Variants in NRXN2 observed in about 807,000 individuals in gnomAD.
The protein encoded by NRXN2 is neurexin-2-beta.
NRXN2 carries 29 observed loss-of-function variants against 128.8 expected under a neutral mutation model. The ratio of observed to expected loss-of-function variants is 0.23; its 90% CI spans 0.17 to 0.31. The LOEUF is 0.31. NRXN2 is among the 10% of genes least tolerant of loss of function. NRXN2 has a pLI of 1.00. For synonymous variants in NRXN2, 1,098 were observed against 1,075.2 expected, an observed-to-expected ratio of 1.02 and a Z score of -0.41; for missense variants, 1,881 against 2,452.6, an observed-to-expected ratio of 0.77 and a Z score of 4.92.
intron 12 of NRXN2, 96 bp from the exon 13 acceptor site, chr11:64,652,250 G>T: frequency 6.8e-7 from 1 of 1,466,058 alleles, no homozygotes; most frequent in Non-Finnish European, 9.2e-7. Flanking sequence ...CCCCATCCCC[G>T]CACATGCCAC....
chr11:64,685,479 C>T (rs552848556), intron 6 of NRXN2, among the ~76,000 whole-genome samples, 167 bp downstream of exon 6: 127 of 152,290 alleles, frequency 8.3e-4, no homozygotes, highest in Non-Finnish European at 1.4e-3. Flanking sequence ...CCAGCCACTG[C>T]AGCCTTATGT....
chr11:64,651,536 G>A lies in NRXN2; in HGVS notation c.2637C>T (p.Ile879=), dbSNP rs767723124. The A allele has an allele frequency of 2.3e-5, 37 of 1,614,010 alleles. No individual in the cohort carries two copies. The highest frequency in any genetic ancestry group is 4.5e-5 in the East Asian group (2 of 44,888). The part of the protein sequence containing the change: ...RFISVVPSNF[I]GHLSGLVFNG... Reference sequence around the variant, plus strand: ...TGAACACGAGCCCACTCAGATGCCCGATGAAGTTGGAGGGCACCACGGAGA... The same window carrying A: ...TGAACACGAGCCCACTCAGATGCCCAATGAAGTTGGAGGGCACCACGGAGA... Residue 879 remains isoleucine (I), a synonymous_variant, in exon 14 of 23, where the codon ATC becomes ATT. Coordinates refer to ENST00000265459, the MANE Select transcript of NRXN2 (RefSeq NM_015080.4). The surrounding 1 kb of genome is among the most constrained non-coding windows in gnomAD (Gnocchi z 5.9).
At position 64,714,080 on chromosome 11, in the gene NRXN2, C is replaced by A. The variant is rs2057202102; in HGVS notation, c.-244-137G>T. On this transcript the variant is annotated intron_variant, in intron 1 of 22. Transcript: ENST00000265459. This position sits in a 1 kb window ranked among gnomAD's most constrained non-coding sequence, Gnocchi z 4.5. ...CCTGCAGAACTTAGAGAGGCCCTGA[C>A]CTGCAGAGGGTCCCGAGGCAAGAGA... 1 of 152,594 alleles carries A rather than the reference C, an allele frequency of 6.6e-6. No homozygotes were observed. Among genetic ancestry groups the A allele is most frequent in the Admixed American group, 6.5e-5 (1 of 15,292 alleles). The allele number at this position is 152,594 out of a possible 1,614,324, so 9.5% of individuals were successfully genotyped here. A position where few individuals can be genotyped will look rare whatever the true frequency, so the allele number is the denominator to read the frequency against.
Position 64,652,423 on chromosome 11 carries a change from C to T in NRXN2, c.2417-269G>A, listed in dbSNP as rs909110902. On this transcript the variant is annotated intron_variant, in intron 12 of 22. Transcript: ENST00000265459. ...ACTCTCAGGACTGCCCTTTGTGTGA[C>T]TTTAGGAGGTGCCATGCACATAGAA... is the stretch of plus-strand genomic sequence containing the variant. Among the ~76,000 whole-genome samples, 3 of 152,242 alleles carry T rather than the reference C, an allele frequency of 2.0e-5. No homozygotes were observed. The East Asian group carries it at 5.8e-4, about 29-fold the overall frequency.
chr11:64,690,515 C>T (rs1170311024), intron 4 of NRXN2, 39 bp from the exon 5 acceptor site: 1 of 1,551,080 alleles, frequency 6.4e-7, no homozygotes, highest in South Asian at 1.1e-5. Flanking sequence ...ACAGGGGGTA[C>T]CGAGCCAGTC....
In NRXN2 at chr11:64,648,753, C is replaced by T. The variant is rs1358942628; in HGVS notation, c.3264G>A (p.Gln1088=). The change falls in exon 16 of 23, where the codon CAG becomes CAA. Residue 1088 remains glutamine, a synonymous_variant. Transcript: ENST00000265459. The surrounding 1 kb of genome is among the most constrained non-coding windows in gnomAD (Gnocchi z 4.1). ...ACTCACCATCACAGCCCCTCTCCAC[C>T]TGCCCAATGCGGTGCAGGGCGTCGG... The part of the protein sequence containing the change: ...LIADALHRIG[Q]VERGCDGPST... The T allele has an allele frequency of 6.2e-7, 1 of 1,614,044 alleles. No homozygotes were observed. The highest frequency in any genetic ancestry group is 8.5e-7 in the Non-Finnish European group (1 of 1,180,014).
At chr11:64,658,917 C>T (rs181535101) in intron 11 of NRXN2, among the ~76,000 whole-genome samples, 321 of 152,214 alleles carry the variant, frequency 2.1e-3, no homozygotes, top group African/African-American at 7.0e-3. Flanking sequence ...CCCAGCTACT[C>T]GGGAGGCTGA....
rs1361085209 is a variant in NRXN2 at position 64,706,592 on chromosome 11, T to G, written c.730+6378A>C. Among the ~76,000 whole-genome samples, 12 of 152,136 alleles carry G rather than the reference T, an allele frequency of 7.9e-5. No individual in the cohort carries two copies. The East Asian group carries it at 2.3e-3, about 29-fold the overall frequency. ...TTAGCATTCAATGTGAGTTAAATAA[T>G]TTAAGCCAGATCATCAAGACCTGGC... On this transcript the variant is annotated intron_variant, in intron 2 of 22. Coordinates refer to ENST00000265459, the MANE Select transcript of NRXN2 (RefSeq NM_015080.4).
At chr11:64,650,272 G>A (rs1461881748) in intron 15 of NRXN2, among the ~76,000 whole-genome samples, 176 bp downstream of exon 15, 1 of 152,078 alleles carries the variant, frequency 6.6e-6, no homozygotes, top group Non-Finnish European at 1.5e-5. Context: ...TCACAAGAGA[G>A]CCAAGCAGAA....
In NRXN2 at chr11:64,642,728, G is replaced by A. The variant is rs1221903810; in HGVS notation, c.3403+5491C>T. The A allele has an allele frequency of 5.5e-6, 8 of 1,442,446 alleles. No homozygotes were observed. The South Asian group carries it at 7.0e-5, about 13-fold the overall frequency. The allele number at this position is 1,442,446 out of a possible 1,614,324, so 89.4% of individuals were successfully genotyped here. On this transcript the variant is annotated intron_variant, in intron 17 of 22. Transcript: ENST00000265459. ...AGCAGAGGTGGCGGCGGCGGCGGTG[G>A]AGGCGGCGGCAGGGGCCCAGCCAGG...
chr11:64,634,426 G>A (rs1367734072), intron 18 of NRXN2, among the ~76,000 whole-genome samples: 1 of 152,154 alleles, frequency 6.6e-6, no homozygotes, highest in African/African-American at 2.4e-5. Flanking sequence ...AGAGATGGGG[G>A]AAAGGGCAGG....
intron 9 of NRXN2, among the ~76,000 whole-genome samples, chr11:64,663,927 A>G (rs2049406642): frequency 6.6e-6 from 1 of 152,250 alleles, no homozygotes. Context: ...TGCAAAATGA[A>G]ATAAAGCCAG....
intron 1 of NRXN2, among the ~76,000 whole-genome samples, chr11:64,717,749 A>G (rs1305062134): frequency 2.6e-5 from 4 of 152,234 alleles, no homozygotes; most frequent in South Asian, 2.1e-4. Context: ...TTCGGCTTCT[A>G]GGAGGTCATT....
In NRXN2 at chr11:64,607,927, G is replaced by A. The variant is rs1224231310; in HGVS notation, c.4408C>T (p.Arg1470Cys). The A allele has an allele frequency of 1.3e-6, 2 of 1,551,650 alleles. No individual in the cohort carries two copies. The highest frequency in any genetic ancestry group is 8.7e-7 in the Non-Finnish European group (1 of 1,149,488). ...QDTLPPPAAR[R>C]PPSGGPCQAE... ...TGGCACGGGCCCCCAGAGGGCGGGCGGCGCGCGGCGGGCGGGGGCAGCGTG... is the reference window on the plus strand; with the variant it reads ...TGGCACGGGCCCCCAGAGGGCGGGCAGCGCGCGGCGGGCGGGGGCAGCGTG... Residue 1470 changes from arginine to cysteine, a missense_variant, in exon 23 of 23, where the codon CGC (arginine) becomes TGC (cysteine). Arg to Cys is a radical substitution (Grantham distance 180, BLOSUM62 -3). This residue lies in a region of NRXN2 where 310 missense variants were observed against 318.2 expected (regional missense o/e 0.97). Coordinates refer to ENST00000265459, the MANE Select transcript of NRXN2 (RefSeq NM_015080.4).
intron 17 of NRXN2, among the ~76,000 whole-genome samples, chr11:64,636,329 C>G (rs952110190): frequency 6.7e-6 from 1 of 149,776 alleles, no homozygotes; most frequent in Admixed American, 6.7e-5. Flanking sequence ...AGGTCCCTAA[C>G]GATCTCAGCC....
intron 9 of NRXN2, among the ~76,000 whole-genome samples, chr11:64,662,501 G>T (rs1019358064): frequency 6.6e-6 from 1 of 152,134 alleles, no homozygotes; most frequent in African/African-American, 2.4e-5. Context: ...AGGGGTCGGG[G>T]CCGGGCACAG....
rs775176328 is a variant in NRXN2 at position 64,651,206 on chromosome 11, G to C, written c.2918+49C>G. On this transcript the variant is annotated intron_variant, in intron 14 of 22. Transcript: ENST00000265459. This position sits in a 1 kb window ranked among gnomAD's most constrained non-coding sequence, Gnocchi z 5.9. ...CAGGAGAGCTGTATGTGGTTCAGCA[G>C]GGGGAGGGGGCCACCTCCTTGACAG... 4 of 1,611,298 alleles carry C rather than the reference G, an allele frequency of 2.5e-6. No individual in the cohort carries two copies. The highest frequency in any genetic ancestry group is 1.7e-5 in the Admixed American group (1 of 59,942).
chr11:64,703,914 A>G (rs77189933), intron 2 of NRXN2, among the ~76,000 whole-genome samples: 303 of 152,336 alleles, frequency 2.0e-3, no homozygotes, highest in African/African-American at 6.5e-3. Context: ...AACAATGTGG[A>G]TAAGTTAACT....
At chr11:64,626,685 G>T in intron 19 of NRXN2, 133 bp from the exon 20 acceptor site, 1 of 761,792 alleles carries the variant, frequency 1.3e-6, no homozygotes. Flanking sequence ...GGGAGGAAAA[G>T]AAACGCTGGG....
Sources: allele counts gnomAD v4.1 joint callset (sites outside exome capture counted in the v4.1 genomes callset), GRCh38; gene constraint gnomAD v4.1.1; regional missense constraint gnomAD v4.1.1; non-coding constraint Gnocchi (gnomAD v3.1); transcripts MANE v1.5; gene names NCBI Gene and HGNC (gene_info 2026-07-23, HGNC 2026-07-21).